Variants in SORCS2 observed in about 807,000 individuals in gnomAD.
SORCS2 encodes sortilin related VPS10 domain containing receptor 2.
A neutral mutation model predicts 141.6 loss-of-function variants in SORCS2; 100 were observed. The observed-to-expected ratio is 0.71, with a 90% CI of 0.60 to 0.83. SORCS2 has a LOEUF of 0.83. SORCS2 is among the 40% of genes least tolerant of loss of function. The pLI is 0.00. For missense variants in SORCS2, 1,646 were observed against 1,560.2 expected, an observed-to-expected ratio of 1.05 and a Z score of -0.93; for synonymous variants, 789 against 676.9, an observed-to-expected ratio of 1.17 and a Z score of -2.57.
intron 1 of SORCS2, among the ~76,000 whole-genome samples, chr4:7,317,197 T>A (rs914459769): frequency 2.6e-5 from 4 of 152,036 alleles, no homozygotes; most frequent in Admixed American, 6.5e-5. Flanking sequence ...AACCCTACAG[T>A]GACAAAGCTG....
At chr4:7,477,288 G>A (rs1730355435) in intron 2 of SORCS2, among the ~76,000 whole-genome samples, 1 of 151,170 alleles carries the variant, frequency 6.6e-6, no homozygotes. Flanking sequence ...CAGACTCATG[G>A]ATAACAGTGG....
At chr4:7,641,262 G>A (rs1720710807) in intron 4 of SORCS2, among the ~76,000 whole-genome samples, 1 of 152,176 alleles carries the variant, frequency 6.6e-6, no homozygotes, top group Non-Finnish European at 1.5e-5. Flanking sequence ...GTTCCACATG[G>A]GTGGGGAGGC....
At chr4:7,598,902 G>A (rs902558011) in intron 3 of SORCS2, among the ~76,000 whole-genome samples, 10 of 152,322 alleles carry the variant, frequency 6.6e-5, no homozygotes, top group Middle Eastern at 3.4e-3. Context: ...GCAGCACGAG[G>A]AGCCCTGCAG....
At chr4:7,388,241 C>G (rs1201166847) in intron 1 of SORCS2, among the ~76,000 whole-genome samples, 1 of 152,204 alleles carries the variant, frequency 6.6e-6, no homozygotes, top group Non-Finnish European at 1.5e-5. Context: ...ACTAGAGCAG[C>G]TGCAGTGACT....
intron 4 of SORCS2, among the ~76,000 whole-genome samples, chr4:7,644,028 A>G (rs1005975626): frequency 5.9e-5 from 9 of 152,208 alleles, no homozygotes; most frequent in African/African-American, 1.9e-4. Flanking sequence ...CAGGGCAGGA[A>G]CAATACTCCC....
At chr4:7,688,876 T>A (rs878304) in intron 10 of SORCS2, among the ~76,000 whole-genome samples, 62,550 of 152,026 alleles carry the variant, frequency 0.41, 13,178 homozygotes, top group South Asian at 0.54. Context: ...GAATGGGGTC[T>A]CCAGAGACAA....
intron 3 of SORCS2, among the ~76,000 whole-genome samples, chr4:7,620,507 C>T (rs950881647): frequency 1.6e-4 from 24 of 152,318 alleles, no homozygotes; most frequent in African/African-American, 5.8e-4. Context: ...ACTTCCCAGG[C>T]GAGGGGCTCC....
intron 2 of SORCS2, among the ~76,000 whole-genome samples, chr4:7,506,740 T>G (rs540507247): frequency 1.3e-5 from 2 of 152,306 alleles, no homozygotes; most frequent in African/African-American, 2.4e-5. Context: ...AGTAGCCCAA[T>G]AAACGTTGCC....
intron 1 of SORCS2, among the ~76,000 whole-genome samples, chr4:7,317,753 T>G (rs1266425035): frequency 6.6e-6 from 1 of 152,192 alleles, no homozygotes; most frequent in Non-Finnish European, 1.5e-5. Flanking sequence ...CCATATCACT[T>G]CCAGGCTCCC....
In SORCS2 at chr4:7,619,293, C is replaced by T. The variant is rs150776449; in HGVS notation, c.649-19035C>T. Among the ~76,000 whole-genome samples the T allele has an allele frequency of 7.0e-3, 1,069 of 152,328 alleles. 20 individuals carry two copies. The highest frequency in any genetic ancestry group is 0.024 in the African/African-American group (1,005 of 41,574). ...ATCTGGCCAGTCTGGGAAGATCCAACATTGTTTCCCTCCATTAGGGCAAGG... is the reference window on the plus strand; with the variant it reads ...ATCTGGCCAGTCTGGGAAGATCCAATATTGTTTCCCTCCATTAGGGCAAGG... On this transcript the variant is annotated intron_variant, in intron 3 of 26. Coordinates refer to ENST00000507866, the MANE Select transcript of SORCS2 (RefSeq NM_020777.3).
chr4:7,270,703 G>A (rs1459801684), intron 1 of SORCS2, among the ~76,000 whole-genome samples: 1 of 152,240 alleles, frequency 6.6e-6, no homozygotes, highest in Non-Finnish European at 1.5e-5. Flanking sequence ...TCAAGGAGGT[G>A]AAGACCAAAA....
At chr4:7,632,523 C>G (rs1266486610) in intron 3 of SORCS2, among the ~76,000 whole-genome samples, 1 of 152,178 alleles carries the variant, frequency 6.6e-6, no homozygotes, top group African/African-American at 2.4e-5. Context: ...CAACTCGGCA[C>G]CAAAAATAGC....
intron 3 of SORCS2, among the ~76,000 whole-genome samples, chr4:7,562,158 T>A (rs1175321942): frequency 6.6e-6 from 1 of 152,188 alleles, no homozygotes; most frequent in Non-Finnish European, 1.5e-5. Flanking sequence ...TATCACTAGC[T>A]AGTAATTGTA....
chr4:7,424,355 C>T (rs1267562125), intron 2 of SORCS2, among the ~76,000 whole-genome samples: 1 of 152,234 alleles, frequency 6.6e-6, no homozygotes, highest in Non-Finnish European at 1.5e-5. Flanking sequence ...AGCTCTGTCT[C>T]CAGCCTGGGC....
intron 14 of SORCS2, among the ~76,000 whole-genome samples, chr4:7,707,984 C>T (rs1332158467): frequency 6.6e-6 from 1 of 152,142 alleles, no homozygotes; most frequent in Non-Finnish European, 1.5e-5. Context: ...CAGTGGACTG[C>T]ACACGCTGCA....
At chr4:7,547,165 T>C (rs1210335739) in intron 3 of SORCS2, among the ~76,000 whole-genome samples, 1 of 152,168 alleles carries the variant, frequency 6.6e-6, no homozygotes, top group Non-Finnish European at 1.5e-5. Context: ...ACACAGGGCT[T>C]CAGCATTGCC....
At chr4:7,425,190 G>A (rs919726444) in intron 2 of SORCS2, among the ~76,000 whole-genome samples, 3 of 152,204 alleles carry the variant, frequency 2.0e-5, no homozygotes, top group African/African-American at 4.8e-5. Context: ...AGGAGCCTCC[G>A]TTTTCGGTTT....
chr4:7,485,017 G>A (rs559326205), intron 2 of SORCS2, among the ~76,000 whole-genome samples: 10 of 152,082 alleles, frequency 6.6e-5, no homozygotes, highest in Non-Finnish European at 1.3e-4. Flanking sequence ...ATTCCTGCAG[G>A]GCAGACTGTC....
At chr4:7,268,367 T>C (rs551838444) in intron 1 of SORCS2, among the ~76,000 whole-genome samples, 3 of 152,216 alleles carry the variant, frequency 2.0e-5, no homozygotes, top group African/African-American at 7.2e-5. Flanking sequence ...GGAAAGTAAT[T>C]GACAAGGAGG....
Sources: gnomAD v4.1 joint callset for allele counts (sites outside exome capture counted in the v4.1 genomes callset) on GRCh38, gnomAD v4.1.1 for gene constraint, MANE v1.5 for transcripts, NCBI Gene and HGNC (gene_info 2026-07-23, HGNC 2026-07-21) for gene names.